CPE: variants seen among roughly 807,000 people sequenced by gnomAD.
The protein encoded by CPE is carboxypeptidase E.
CPE carries 17 observed loss-of-function variants against 53.5 expected under a neutral mutation model. The observed-to-expected ratio is 0.32, with a 90% confidence interval of 0.22 to 0.48. CPE has a LOEUF of 0.48. Ranked by LOEUF, CPE falls within the 20% of genes least tolerant of loss-of-function variation. The probability of loss-of-function intolerance (pLI) is 0.99; values close to 1 mark genes in which losing one functional copy is unlikely to be tolerated. For synonymous variants in CPE, 226 were observed against 228.8 expected, an observed-to-expected ratio of 0.99 and a Z score of 0.11; for missense variants, 524 against 614.7, an observed-to-expected ratio of 0.85 and a Z score of 1.56.
intron 1 of CPE, among the ~76,000 whole-genome samples, chr4:165,396,991 G>T (rs1168984278): frequency 2.0e-5 from 3 of 152,248 alleles, no homozygotes; most frequent in South Asian, 2.1e-4. Context: ...AGCCCAGGAG[G>T]TTGAGGCTGC....
Position 165,434,136 on chromosome 4 carries a change from A to G in CPE, c.308-30254A>G, listed in dbSNP as rs143422791. ...CCATACTTTTTTTTCATTTATCTCA[A>G]CTTTTTAAAATTAAATAAAAATCTT... is the stretch of plus-strand genomic sequence containing the variant. On this transcript the variant is annotated intron_variant, in intron 1 of 8. Transcript: ENST00000402744. Among the ~76,000 whole-genome samples the G allele has an allele frequency of 1.8e-3, 279 of 151,848 alleles. 1 individual carries two copies. Among genetic ancestry groups the G allele is most frequent in the Middle Eastern group, 3.4e-3 (1 of 294 alleles).
At chr4:165,440,135 T>C (rs2126684548) in intron 1 of CPE, among the ~76,000 whole-genome samples, 1 of 152,322 alleles carries the variant, frequency 6.6e-6, no homozygotes. Flanking sequence ...TTTCTGTTTT[T>C]ACTCTCTGTG....
chr4:165,445,035 C>A (rs1731682150), intron 1 of CPE, among the ~76,000 whole-genome samples: 1 of 152,122 alleles, frequency 6.6e-6, no homozygotes, highest in Non-Finnish European at 1.5e-5. Flanking sequence ...TGGCTTACTG[C>A]AACCTCTGCC....
intron 1 of CPE, among the ~76,000 whole-genome samples, chr4:165,382,695 A>G (rs1172836291): frequency 6.6e-6 from 1 of 152,248 alleles, no homozygotes; most frequent in Admixed American, 6.5e-5. Context: ...TTACTTTGTT[A>G]GACTAGCAGT....
At chr4:165,475,233 G>A (rs893067152) in intron 3 of CPE, among the ~76,000 whole-genome samples, 3 of 152,108 alleles carry the variant, frequency 2.0e-5, no homozygotes, top group Admixed American at 2.0e-4. Context: ...CCACAGTGAG[G>A]ACCTATGCAG....
In CPE at chr4:165,493,512, C is replaced by G. The variant is rs1280175718; in HGVS notation, c.1213+242C>G. ...CAGATGGCGCCCTTTCCTCAGCTAT[C>G]TCGCCCCAGAGCTGGGAGGTGGTGC... On this transcript the variant is annotated intron_variant, in intron 7 of 8. Coordinates refer to ENST00000402744, the MANE Select transcript of CPE (RefSeq NM_001873.4). Among the ~76,000 whole-genome samples the G allele has an allele frequency of 2.0e-5, 3 of 152,264 alleles. No individual in the cohort carries two copies. In the East Asian group the frequency reaches 5.8e-4, roughly 29 times the overall value.
At chr4:165,463,636 C>G (rs1318595712) in intron 1 of CPE, among the ~76,000 whole-genome samples, 1 of 152,138 alleles carries the variant, frequency 6.6e-6, no homozygotes, top group Non-Finnish European at 1.5e-5. Context: ...TCCTGGCTTC[C>G]CAGGCCATGT....
At position 165,397,076 on chromosome 4, in the gene CPE, TTAAAA is replaced by T. The variant is rs1338560453; in HGVS notation, c.307+17554_307+17558del. On this transcript the variant is annotated intron_variant, in intron 1 of 8. Transcript: ENST00000402744. ...ACCTTGTCTCAACAAATAATAAAAATTAAAATAAAAATAAGAAAGTGAAGCCAACT... is the reference window on the plus strand; with the variant it reads ...ACCTTGTCTCAACAAATAATAAAAATTAAAAATAAGAAAGTGAAGCCAACT... 2.0e-5 allele frequency among the ~76,000 whole-genome samples: 3 copies of T among 150,540 alleles called. No homozygotes were observed. In the East Asian group the frequency reaches 5.8e-4, roughly 29 times the overall value.
At chr4:165,462,370 A>G (rs2126699316) in intron 1 of CPE, among the ~76,000 whole-genome samples, 1 of 152,328 alleles carries the variant, frequency 6.6e-6, no homozygotes, top group African/African-American at 2.4e-5. Flanking sequence ...GAAGTTATAA[A>G]AATTTTCAGT....
chr4:165,460,009 T>G (rs1015424132), intron 1 of CPE, among the ~76,000 whole-genome samples: 2 of 151,474 alleles, frequency 1.3e-5, no homozygotes, highest in Non-Finnish European at 2.9e-5. Flanking sequence ...GTAGTGCTTC[T>G]AGCCGCTTTC....
Position 165,384,768 on chromosome 4 carries a change from T to C in CPE, c.307+5240T>C, listed in dbSNP as rs535416967. On this transcript the variant is annotated intron_variant, in intron 1 of 8. Coordinates refer to ENST00000402744, the MANE Select transcript of CPE (RefSeq NM_001873.4). ...TAGAACAAAGAAAAAAATGATTCAG[T>C]TGGCAATTCTCCAGCAGAGGGCCTC... 2.6e-5 allele frequency among the ~76,000 whole-genome samples: 4 copies of C among 152,288 alleles called. No individual in the cohort carries two copies. In the East Asian group the frequency reaches 7.7e-4, roughly 29 times the overall value.
Position 165,423,258 on chromosome 4 carries a change from T to TG in CPE, c.308-41129dup, listed in dbSNP as rs536746156. Among the ~76,000 whole-genome samples, 4 of 152,318 alleles carry TG rather than the reference T, an allele frequency of 2.6e-5. No homozygotes were observed. The South Asian group carries it at 8.3e-4, about 32-fold the overall frequency. On this transcript the variant is annotated intron_variant, in intron 1 of 8. Coordinates refer to ENST00000402744, the MANE Select transcript of CPE (RefSeq NM_001873.4). ...GTAGCTATCGTTTTTAGGAATAGAATGGGAGGCAGGTTTGCCCTAAGCAGT... is the reference window on the plus strand; with the variant it reads ...GTAGCTATCGTTTTTAGGAATAGAATGGGGAGGCAGGTTTGCCCTAAGCAGT...
chr4:165,481,833 C>T (rs1244864093), intron 3 of CPE, among the ~76,000 whole-genome samples: 3 of 152,158 alleles, frequency 2.0e-5, no homozygotes, highest in African/African-American at 7.2e-5. Flanking sequence ...CCACAGAGGA[C>T]AAATCTTGTT....
chr4:165,418,585 G>A (rs1384390239), intron 1 of CPE, among the ~76,000 whole-genome samples: 1 of 152,136 alleles, frequency 6.6e-6, no homozygotes, highest in African/African-American at 2.4e-5. Context: ...TAGAATAGAA[G>A]TTTTGTTTAC....
rs1449154384 is a variant in CPE at position 165,379,279 on chromosome 4, G to C, written c.58G>C (p.Gly20Arg). ...LALCGALAAC[G>R]WLLGAEAQEP... is the part of the protein sequence containing the mutation. ...TCTGTGCGGGGCACTGGCTGCCTGCGGGTGGCTCCTGGGCGCCGAAGCCCA... is the reference window on the plus strand; with the variant it reads ...TCTGTGCGGGGCACTGGCTGCCTGCCGGTGGCTCCTGGGCGCCGAAGCCCA... Residue 20 changes from glycine (G) to arginine (R), a missense_variant, in exon 1 of 9, where the codon GGG becomes CGG. Coordinates refer to ENST00000402744, the MANE Select transcript of CPE (RefSeq NM_001873.4). The surrounding 1 kb of genome is among the most constrained non-coding windows in gnomAD (Gnocchi z 6.0). 2 of 1,470,806 alleles carry C rather than the reference G, an allele frequency of 1.4e-6. No homozygotes were observed. The highest frequency in any genetic ancestry group is 5.3e-5 in the Admixed American group (2 of 37,522). 91.1% of individuals were successfully genotyped at this position (1,470,806 alleles called of 1,614,324 possible). A position where few individuals can be genotyped will look rare whatever the true frequency, so the allele number is the denominator to read the frequency against.
intron 1 of CPE, among the ~76,000 whole-genome samples, chr4:165,433,763 AG>A (rs1731451789): frequency 6.6e-6 from 1 of 152,186 alleles, no homozygotes; most frequent in Non-Finnish European, 1.5e-5. Flanking sequence ...CACTGAAGCT[AG>A]GGATCCTTCT....
intron 1 of CPE, among the ~76,000 whole-genome samples, chr4:165,389,149 A>T (rs749025476): frequency 6.6e-6 from 1 of 152,218 alleles, no homozygotes; most frequent in Non-Finnish European, 1.5e-5. Context: ...ATACTATTAC[A>T]TAGATATATA....
At chr4:165,386,349 C>T (rs1300429734) in intron 1 of CPE, 1 of 458,158 alleles carries the variant, frequency 2.2e-6, no homozygotes, top group Non-Finnish European at 4.3e-6. Context: ...TTTTTTAATC[C>T]TGAATGTCTA....
At chr4:165,466,630 C>T (rs904810891) in intron 2 of CPE, among the ~76,000 whole-genome samples, 36 of 152,012 alleles carry the variant, frequency 2.4e-4, no homozygotes, top group African/African-American at 8.7e-4. Flanking sequence ...TATTTTCCTG[C>T]CTCAGCCTCC....
Sources: gnomAD v4.1 joint callset for allele counts (sites outside exome capture counted in the v4.1 genomes callset) on GRCh38, gnomAD v4.1.1 for gene constraint, Gnocchi (gnomAD v3.1) non-coding constraint, MANE v1.5 for transcripts, NCBI Gene and HGNC (gene_info 2026-07-23, HGNC 2026-07-21) for gene names.